Variants in HERPUD2 observed in about 807,000 individuals in gnomAD.
HERPUD2 encodes HERPUD family member 2.
Under a neutral mutation model 49.9 loss-of-function variants are expected in HERPUD2, and 13 were observed. The observed-to-expected ratio is 0.26, with a 90% CI of 0.17 to 0.41. The LOEUF (loss-of-function observed/expected upper bound fraction) is 0.41. Ranked by LOEUF, HERPUD2 falls within the 10% of genes least tolerant of loss-of-function variation. HERPUD2 has a pLI of 1.00. For synonymous variants in HERPUD2, 172 were observed against 171.4 expected (o/e 1.00, Z -0.03); for missense variants, 449 against 492.2 (o/e 0.91, Z 0.83).
At chr7:35,693,197 G>A (rs1786230238) in intron 2 of HERPUD2, among the ~76,000 whole-genome samples, 1 of 152,122 alleles carries the variant, frequency 6.6e-6, no homozygotes, top group Non-Finnish European at 1.5e-5. Context: ...TATTATCTCT[G>A]CAATATCCAG....
At chr7:35,663,369 G>C (rs906281685) in intron 5 of HERPUD2, among the ~76,000 whole-genome samples, 1 of 152,210 alleles carries the variant, frequency 6.6e-6, no homozygotes, top group Non-Finnish European at 1.5e-5. Flanking sequence ...TGACAAGAAT[G>C]TATATTCTGT....
At chr7:35,682,227 A>C (rs1375200712) in intron 2 of HERPUD2, among the ~76,000 whole-genome samples, 2 of 130,658 alleles carry the variant, frequency 1.5e-5, no homozygotes, top group Non-Finnish European at 3.2e-5. Flanking sequence ...GTGTGTGTAT[A>C]TATAGATATA....
At position 35,633,674 on chromosome 7, in the gene HERPUD2, G is replaced by A. The variant is rs1784822531; in HGVS notation, c.*16C>T. ...CTGAAGTCAGACCCTCCTTGTAGCT[G>A]GCACAGTTTTTCAGGTCAATTGGCA... On this transcript the variant is annotated 3_prime_UTR_variant, in exon 9 of 9. Coordinates refer to ENST00000311350, the MANE Select transcript of HERPUD2 (RefSeq NM_022373.5). 3 of 1,608,840 alleles carry A rather than the reference G, an allele frequency of 1.9e-6. No homozygotes were observed. Among genetic ancestry groups the A allele is most frequent in the Non-Finnish European group, 2.5e-6 (3 of 1,177,722 alleles).
chr7:35,634,273 T>C (rs763287535), intron 8 of HERPUD2, 39 bp downstream of exon 8: 31 of 1,291,310 alleles, frequency 2.4e-5, no homozygotes, highest in Non-Finnish European at 3.2e-5. Context: ...GCTGGGAAAA[T>C]CTCAGTATCT....
chr7:35,656,266 A>C lies in HERPUD2; in HGVS notation c.494+11168T>G, dbSNP rs1212856063. ...AATAAAATACTTAGGAATAAATTTA[A>C]CCAAGTAGGTTAAAGACCTCTATAA... On this transcript the variant is annotated intron_variant, in intron 5 of 8. Transcript: ENST00000311350. 2.6e-5 allele frequency among the ~76,000 whole-genome samples: 4 copies of C among 152,182 alleles called. 1 individual carries two copies. Among genetic ancestry groups the C allele is most frequent in the Admixed American group, 2.0e-4 (3 of 15,282 alleles).
intron 5 of HERPUD2, among the ~76,000 whole-genome samples, chr7:35,661,636 A>G (rs1269622561): frequency 6.6e-6 from 1 of 152,160 alleles, no homozygotes; most frequent in African/African-American, 2.4e-5. Flanking sequence ...CTTTGAAGCA[A>G]TTGTGAATGG....
At chr7:35,670,428 C>A (rs1038028747) in intron 3 of HERPUD2, 100 bp from the exon 4 acceptor site, 1 of 439,164 alleles carries the variant, frequency 2.3e-6, no homozygotes, top group South Asian at 8.8e-5. Flanking sequence ...AGGTCCCTTT[C>A]GAGCCTAGCC....
intron 2 of HERPUD2, among the ~76,000 whole-genome samples, chr7:35,679,117 T>C (rs978923510): frequency 1.3e-5 from 2 of 152,120 alleles, no homozygotes; most frequent in African/African-American, 4.8e-5. Flanking sequence ...TAAATAAATT[T>C]AGGAAGATCA....
chr7:35,679,268 A>G (rs1385796328), intron 2 of HERPUD2, among the ~76,000 whole-genome samples: 1 of 152,232 alleles, frequency 6.6e-6, no homozygotes, highest in East Asian at 1.9e-4. Context: ...GGTCCCACGC[A>G]TACAAATAAT....
rs1173380172 is a variant in HERPUD2, at chr7:35,682,326, CGTGTGT to C, written c.148-9054_148-9049del. Among the ~76,000 whole-genome samples, 130 of 16,310 alleles carry C rather than the reference CGTGTGT, an allele frequency of 8.0e-3. 5 individuals are homozygous for C. Among genetic ancestry groups the C allele is most frequent in the Non-Finnish European group, 0.012 (98 of 8,436 alleles). 10.7% of individuals were successfully genotyped at this position (16,310 alleles called of 152,430 possible). Reference sequence around the variant, plus strand: ...ATATATAGATATATACACATACACACGTGTGTGTGTGTGTGTGTGTGTGTGTGTGTG... The same window carrying C: ...ATATATAGATATATACACATACACACGTGTGTGTGTGTGTGTGTGTGTGTG... On this transcript the variant is annotated intron_variant, in intron 2 of 8. Transcript: ENST00000311350.
intron 5 of HERPUD2, among the ~76,000 whole-genome samples, chr7:35,652,801 A>G (rs1785195242): frequency 6.6e-6 from 1 of 152,126 alleles, no homozygotes; most frequent in Non-Finnish European, 1.5e-5. Flanking sequence ...AAGGAGAAAT[A>G]AAGTCTTTCC....
chr7:35,693,410 A>G (rs1786235805), intron 2 of HERPUD2, among the ~76,000 whole-genome samples: 1 of 152,238 alleles, frequency 6.6e-6, no homozygotes, highest in Admixed American at 6.5e-5. Flanking sequence ...CCTTGAAAGT[A>G]TAATTTTTAT....
chr7:35,669,915 C>A (rs934265165), intron 4 of HERPUD2, among the ~76,000 whole-genome samples: 2 of 151,800 alleles, frequency 1.3e-5, no homozygotes, highest in African/African-American at 4.8e-5. Context: ...ATTATATAAC[C>A]GTAACATAAT....
At chr7:35,665,927 G>A (rs1453200184) in intron 5 of HERPUD2, among the ~76,000 whole-genome samples, 3 of 152,134 alleles carry the variant, frequency 2.0e-5, no homozygotes, top group African/African-American at 7.2e-5. Flanking sequence ...TATATTCACT[G>A]TAAGTAAGAG....
chr7:35,663,673 T>C (rs1785477441), intron 5 of HERPUD2, among the ~76,000 whole-genome samples: 1 of 152,234 alleles, frequency 6.6e-6, no homozygotes, highest in African/African-American at 2.4e-5. Context: ...TTTGTCTCTT[T>C]TGATCTGTTG....
At position 35,694,466 on chromosome 7, in the gene HERPUD2, C is replaced by T. The variant is rs1786271346; in HGVS notation, c.-136G>A. 2 of 864,702 alleles carry T rather than the reference C, an allele frequency of 2.3e-6. No individual in the cohort carries two copies. Among genetic ancestry groups the T allele is most frequent in the South Asian group, 3.2e-5 (2 of 63,214 alleles). The allele number at this position is 864,702 out of a possible 1,614,324, so 53.6% of individuals were successfully genotyped here. On this transcript the variant is annotated 5_prime_UTR_variant, in exon 2 of 9. Coordinates refer to ENST00000311350, the MANE Select transcript of HERPUD2 (RefSeq NM_022373.5). ...TCCGTGTCCAAGTCAGTTACAAGTGCACTGGAGGATACGAAGCCCATTGCC... is the reference window on the plus strand; with the variant it reads ...TCCGTGTCCAAGTCAGTTACAAGTGTACTGGAGGATACGAAGCCCATTGCC...
intron 2 of HERPUD2, among the ~76,000 whole-genome samples, chr7:35,682,145 C>T (rs1260300217): frequency 8.6e-5 from 13 of 151,808 alleles, no homozygotes; most frequent in Middle Eastern, 3.4e-3. Context: ...CTCAAGTGAT[C>T]CTCCCACCCC....
chr7:35,635,709 G>GT (rs1409216098), intron 6 of HERPUD2, among the ~76,000 whole-genome samples: 1 of 152,092 alleles, frequency 6.6e-6, no homozygotes, highest in Non-Finnish European at 1.5e-5. Context: ...GGCAAAAGAC[G>GT]TGAGAGCAGC....
intron 5 of HERPUD2, among the ~76,000 whole-genome samples, chr7:35,643,757 T>C (rs1178833325): frequency 6.6e-6 from 1 of 151,502 alleles, no homozygotes; most frequent in Non-Finnish European, 1.5e-5. Flanking sequence ...GAATGTATCT[T>C]GTTTTGACAC....
Sources: allele counts gnomAD v4.1 joint callset (sites outside exome capture counted in the v4.1 genomes callset), GRCh38; gene constraint gnomAD v4.1.1; transcripts MANE v1.5; gene names NCBI Gene and HGNC (gene_info 2026-07-23, HGNC 2026-07-21).